FHOD3: variants seen among roughly 807,000 people sequenced by gnomAD.
The protein encoded by FHOD3 is formin homology 2 domain containing 3, also known as FH1/FH2 domain-containing protein 3.
In FHOD3, 90 loss-of-function variants were observed where a neutral mutation model predicts 173.0. The observed-to-expected ratio is 0.52, with a 90% CI of 0.44 to 0.62. The LOEUF (loss-of-function observed/expected upper bound fraction) is 0.62. Ranked by LOEUF, FHOD3 falls within the 20% of genes least tolerant of loss-of-function variation. The probability of loss-of-function intolerance (pLI) is 0.00; values close to 1 mark genes in which losing one functional copy is unlikely to be tolerated. For synonymous variants in FHOD3, 828 were observed against 823.0 expected (o/e 1.01, Z -0.10); for missense variants, 1,945 against 2,034.7 (o/e 0.96, Z 0.85).
chr18:36,405,086 G>T (rs2146751936), intron 3 of FHOD3, among the ~76,000 whole-genome samples: 1 of 152,300 alleles, frequency 6.6e-6, no homozygotes, highest in East Asian at 1.9e-4. Flanking sequence ...CATAGCTGGG[G>T]CCTTGCTCTG....
chr18:36,529,339 A>C lies in FHOD3; in HGVS notation c.511+16796A>C, dbSNP rs73948023. Among the ~76,000 whole-genome samples the C allele has an allele frequency of 9.2e-3, 1,401 of 152,288 alleles. 15 individuals carry two copies. The highest frequency in any genetic ancestry group is 0.032 in the African/African-American group (1,320 of 41,548). ...CGTGTTATACAGCAAGGCAGTGGCCAAGTCTCTTTCCAGTTTCTAGGTTAA... is the reference window on the plus strand; with the variant it reads ...CGTGTTATACAGCAAGGCAGTGGCCCAGTCTCTTTCCAGTTTCTAGGTTAA... On this transcript the variant is annotated intron_variant, in intron 5 of 28. Transcript: ENST00000590592.
At chr18:36,652,111 T>C (rs2036097263) in intron 11 of FHOD3, among the ~76,000 whole-genome samples, 1 of 152,242 alleles carries the variant, frequency 6.6e-6, no homozygotes, top group African/African-American at 2.4e-5. Flanking sequence ...TGTATGGCTT[T>C]GTGGGATACC....
At chr18:36,633,732 T>C (rs2034678835) in intron 10 of FHOD3, among the ~76,000 whole-genome samples, 2 of 152,168 alleles carry the variant, frequency 1.3e-5, no homozygotes, top group Non-Finnish European at 2.9e-5. Flanking sequence ...GTTATATCTT[T>C]TGAGGATGAA....
chr18:36,663,503 T>C (rs1442550434), intron 14 of FHOD3, among the ~76,000 whole-genome samples: 1 of 152,230 alleles, frequency 6.6e-6, no homozygotes, highest in Non-Finnish European at 1.5e-5. Flanking sequence ...AACAGTCCTA[T>C]TATTGCATCA....
chr18:36,392,520 G>A (rs573732813), intron 3 of FHOD3, among the ~76,000 whole-genome samples: 1 of 152,248 alleles, frequency 6.6e-6, no homozygotes, highest in South Asian at 2.1e-4. Flanking sequence ...AACTGTGTCT[G>A]CTAAGAAAGC....
chr18:36,311,048 G>C (rs1032567683), intron 1 of FHOD3, among the ~76,000 whole-genome samples: 1 of 152,130 alleles, frequency 6.6e-6, no homozygotes, highest in Non-Finnish European at 1.5e-5. Context: ...GAAAGGAAGA[G>C]GAAAGACAGA....
intron 3 of FHOD3, among the ~76,000 whole-genome samples, chr18:36,469,242 A>T (rs905994943): frequency 1.3e-5 from 2 of 152,194 alleles, no homozygotes; most frequent in African/African-American, 4.8e-5. Context: ...TCTCAGGGCC[A>T]GATGATTACT....
intron 6 of FHOD3, among the ~76,000 whole-genome samples, chr18:36,580,299 G>A (rs905098119): frequency 1.3e-5 from 2 of 152,142 alleles, no homozygotes; most frequent in African/African-American, 4.8e-5. Flanking sequence ...CGTCAGCACT[G>A]GATCTGTGTG....
chr18:36,636,732 C>T (rs943879560), intron 10 of FHOD3, among the ~76,000 whole-genome samples: 7 of 150,638 alleles, frequency 4.6e-5, no homozygotes, highest in Non-Finnish European at 1.0e-4. Flanking sequence ...GATGAGCCCT[C>T]ATAAGGAGGT....
intron 1 of FHOD3, among the ~76,000 whole-genome samples, chr18:36,325,237 T>G (rs2044611318): frequency 6.6e-6 from 1 of 152,128 alleles, no homozygotes; most frequent in Non-Finnish European, 1.5e-5. Context: ...GAATATTTCC[T>G]TATCTGAGTG....
At chr18:36,719,193 C>A (rs574547344) in intron 19 of FHOD3, among the ~76,000 whole-genome samples, 1 of 152,312 alleles carries the variant, frequency 6.6e-6, no homozygotes, top group African/African-American at 2.4e-5. Flanking sequence ...TTTGGCTTGG[C>A]CCTGATCAAG....
At chr18:36,596,662 C>T (rs1722690512) in intron 7 of FHOD3, among the ~76,000 whole-genome samples, 1 of 152,122 alleles carries the variant, frequency 6.6e-6, no homozygotes, top group Non-Finnish European at 1.5e-5. Context: ...CTAGGCATGG[C>T]TGATGGCAGG....
chr18:36,475,388 C>T (rs568604964), intron 3 of FHOD3, among the ~76,000 whole-genome samples: 3 of 150,910 alleles, frequency 2.0e-5, no homozygotes, highest in Non-Finnish European at 4.4e-5. Context: ...AGATCTCCAC[C>T]AGGGTTATTG....
At chr18:36,771,260 G>C (rs2150390493) in intron 28 of FHOD3, among the ~76,000 whole-genome samples, 1 of 152,260 alleles carries the variant, frequency 6.6e-6, no homozygotes, top group African/African-American at 2.4e-5. Flanking sequence ...TAATAAGATG[G>C]ACAGCACCGG....
chr18:36,605,116 T>C (rs2148523421), intron 8 of FHOD3, among the ~76,000 whole-genome samples: 1 of 152,348 alleles, frequency 6.6e-6, no homozygotes, highest in South Asian at 2.1e-4. Flanking sequence ...CAAATCTTTT[T>C]GTGAGCTCAT....
intron 8 of FHOD3, among the ~76,000 whole-genome samples, chr18:36,607,401 C>T (rs1349412241): frequency 2.0e-5 from 3 of 152,152 alleles, no homozygotes; most frequent in East Asian, 1.9e-4. Context: ...GCTGAGGTAC[C>T]GCTGGTGCCT....
chr18:36,386,780 G>A (rs11081946), intron 3 of FHOD3, among the ~76,000 whole-genome samples: 32,426 of 152,000 alleles, frequency 0.21, 4,054 homozygotes, highest in East Asian at 0.67. Flanking sequence ...CCTTTCTGGG[G>A]TCTTACTTGA....
At chr18:36,619,400 T>G (rs534839293) in intron 9 of FHOD3, among the ~76,000 whole-genome samples, 27 of 152,324 alleles carry the variant, frequency 1.8e-4, no homozygotes, top group African/African-American at 5.8e-4. Context: ...GAACGGACTC[T>G]TCATGTCTCC....
intron 2 of FHOD3, among the ~76,000 whole-genome samples, chr18:36,359,871 A>G (rs1039109908): frequency 1.3e-5 from 2 of 152,248 alleles, no homozygotes; most frequent in African/African-American, 2.4e-5. Context: ...TTCCTGATAC[A>G]TAATACACAC....
Sources: gnomAD v4.1 joint callset for allele counts (sites outside exome capture counted in the v4.1 genomes callset) on GRCh38, gnomAD v4.1.1 for gene constraint, MANE v1.5 for transcripts, NCBI Gene and HGNC (gene_info 2026-07-23, HGNC 2026-07-21) for gene names.